Variants in SLC38A11 observed in about 807,000 individuals in gnomAD.
SLC38A11 encodes the protein solute carrier family 38 member 11, also known as putative sodium-coupled neutral amino acid transporter 11.
A neutral mutation model predicts 49.4 loss-of-function variants in SLC38A11; 51 were observed. That is an observed-to-expected ratio of 1.03 (90% CI 0.83 to 1.30). The LOEUF (loss-of-function observed/expected upper bound fraction) is 1.30, where lower values mean the gene tolerates loss of function less well. Ranked by LOEUF, SLC38A11 falls within the 50% of genes most tolerant of loss-of-function variation. SLC38A11 has a pLI of 0.00. For missense variants in SLC38A11, 574 were observed against 556.2 expected (o/e 1.03, Z -0.32); for synonymous variants, 203 against 192.9 (o/e 1.05, Z -0.43).
chr2:164,911,640 CTT>C lies in SLC38A11; in HGVS notation c.957_958del (p.Glu321GlyfsTer35), dbSNP rs1389784418. The C allele has an allele frequency of 6.4e-7, 1 of 1,573,714 alleles. No individual in the cohort carries two copies. On this transcript the variant is annotated frameshift_variant, in exon 10 of 12. Coordinates refer to ENST00000685975, the MANE Select transcript of SLC38A11 (RefSeq NM_001351537.2). LOFTEE classifies it high-confidence loss of function. ...TTGGGAAGGAACCGCGCTTACCTCTCTTGTCACAAAGCATTCCATAGGGTATG... is the reference window on the plus strand; with the variant it reads ...TTGGGAAGGAACCGCGCTTACCTCTCGTCACAAAGCATTCCATAGGGTATG...
chr2:164,907,822 G>T (rs2105451350), intron 11 of SLC38A11: 1 of 152,244 alleles, frequency 6.6e-6, no homozygotes, highest in Non-Finnish European at 1.5e-5. Context: ...AAGAATAATG[G>T]AAAGAATTGA....
Position 164,915,163 on chromosome 2 carries a change from A to G in SLC38A11, c.799T>C (p.Cys267Arg), listed in dbSNP as rs766498815. ...TATCCACATGTAGCAAAGAATATAC[A>G]GATAAATACAGAAATCACGATGGAC... ...HMSIVISVFI[C>R]IFFATCGYLT... The change falls in exon 9 of 12, where the codon TGT becomes CGT. Residue 267 changes from cysteine (C) to arginine (R), a missense_variant. By Grantham distance (180) the Cys-to-Arg change is radical. Coordinates refer to ENST00000685975, the MANE Select transcript of SLC38A11 (RefSeq NM_001351537.2). 1 of 1,612,200 alleles carries G rather than the reference A, an allele frequency of 6.2e-7. No individual in the cohort carries two copies. The highest frequency in any genetic ancestry group is 2.2e-5 in the East Asian group (1 of 44,840).
chr2:164,934,972 G>C (rs938146060), intron 7 of SLC38A11, among the ~76,000 whole-genome samples: 3 of 152,016 alleles, frequency 2.0e-5, no homozygotes, highest in African/African-American at 7.2e-5. Flanking sequence ...CCCTGAGTCT[G>C]TAATACATAC....
intron 6 of SLC38A11, among the ~76,000 whole-genome samples, chr2:164,938,082 T>C (rs2105498124): frequency 1.3e-5 from 2 of 152,240 alleles, no homozygotes; most frequent in South Asian, 4.1e-4. Context: ...TAGGTTTGTG[T>C]GCCTAGTCTT....
chr2:164,903,220 T>G (rs1372859717), intron 11 of SLC38A11, among the ~76,000 whole-genome samples: 1 of 152,050 alleles, frequency 6.6e-6, no homozygotes, highest in Non-Finnish European at 1.5e-5. Flanking sequence ...CTGTGTGTGT[T>G]GTAGTCTTCT....
Position 164,952,749 on chromosome 2 carries a change from G to A in SLC38A11, c.187C>T (p.Pro63Ser), listed in dbSNP as rs1391551513. 1 of 1,606,800 alleles carries A rather than the reference G, an allele frequency of 6.2e-7. No individual in the cohort carries two copies. The highest frequency in any genetic ancestry group is 1.7e-5 in the Admixed American group (1 of 57,928). The stretch of plus-strand genomic sequence containing the variant: ...CAGAATAAAAGCAATATTCCCAAAG[G>A]AAACCCAGCTTGCTTCATTGAATAA... The part of the protein sequence containing the change: ...LPYSMKQAGF[P>S]LGILLLFWVS... Residue 63 changes from proline (P) to serine (S), a missense_variant, in exon 3 of 12, where the codon CCT becomes TCT. Physicochemically the swap from Pro to Ser is moderately conservative, Grantham distance 74. Transcript: ENST00000685975.
Position 164,898,161 on chromosome 2 carries a change from G to T in SLC38A11, c.*276C>A. 4.2e-6 allele frequency: 1 copy of T among 240,472 alleles called. No homozygotes were observed. The highest frequency in any genetic ancestry group is 7.9e-6 in the Non-Finnish European group (1 of 126,348). The allele number at this position is 240,472 out of a possible 1,614,324, so 14.9% of individuals were successfully genotyped here. ...ACTGGTTTGCATATTAAATAAAAGG[G>T]GGATGGCAGAAAATGCTAAAGGCTT... is the stretch of plus-strand genomic sequence containing the variant. On this transcript the variant is annotated 3_prime_UTR_variant, in exon 12 of 12. Transcript: ENST00000685975.
At chr2:164,938,887 T>C (rs1445575216) in intron 6 of SLC38A11, among the ~76,000 whole-genome samples, 1 of 152,174 alleles carries the variant, frequency 6.6e-6, no homozygotes, top group African/African-American at 2.4e-5. Flanking sequence ...TGAGCATCTG[T>C]AGTGAACTGA....
At chr2:164,923,107 C>G (rs1238726397) in intron 7 of SLC38A11, among the ~76,000 whole-genome samples, 4 of 152,110 alleles carry the variant, frequency 2.6e-5, no homozygotes, top group Non-Finnish European at 5.9e-5. Context: ...TGTAAGACCT[C>G]AAACTATAAA....
At chr2:164,930,152 A>G (rs1394267111) in intron 7 of SLC38A11, among the ~76,000 whole-genome samples, 1 of 152,166 alleles carries the variant, frequency 6.6e-6, no homozygotes, top group Non-Finnish European at 1.5e-5. Flanking sequence ...GAAACTCTAG[A>G]AGAAATGGAT....
chr2:164,915,282 C>T lies in SLC38A11; in HGVS notation c.689-9G>A. On this transcript the variant is annotated splice_polypyrimidine_tract_variant and intron_variant, in intron 8 of 11. Coordinates refer to ENST00000685975, the MANE Select transcript of SLC38A11 (RefSeq NM_001351537.2). ...ATGGTGGCAAATAAATGCTGCAATA[C>T]AAAAAAAAAGAGCATTATTAAATCA... is the stretch of plus-strand genomic sequence containing the variant. 6.5e-7 allele frequency: 1 copy of T among 1,549,544 alleles called. No homozygotes were observed.
At position 164,908,787 on chromosome 2, in the gene SLC38A11, A is replaced by G. The variant is rs1215164544; in HGVS notation, c.964-16T>C. 18 of 1,599,760 alleles carry G rather than the reference A, an allele frequency of 1.1e-5. No individual in the cohort carries two copies. Among genetic ancestry groups the G allele is most frequent in the Non-Finnish European group, 1.4e-5 (17 of 1,172,518 alleles). Reference sequence around the variant, plus strand: ...TGGCAATTACCTGCCGAATAAACAGATTATTTTGAGAGGGACTTTTAAAGG... The same window carrying G: ...TGGCAATTACCTGCCGAATAAACAGGTTATTTTGAGAGGGACTTTTAAAGG... On this transcript the variant is annotated splice_polypyrimidine_tract_variant and intron_variant, in intron 10 of 11. Transcript: ENST00000685975.
At chr2:164,927,151 C>A (rs1686658288) in intron 7 of SLC38A11, among the ~76,000 whole-genome samples, 1 of 152,106 alleles carries the variant, frequency 6.6e-6, no homozygotes, top group South Asian at 2.1e-4. Context: ...CCATCCCTTC[C>A]TCCTCGTGAA....
At chr2:164,912,543 C>A (rs1271604649) in intron 9 of SLC38A11, 1 of 152,016 alleles carries the variant, frequency 6.6e-6, no homozygotes, top group Non-Finnish European at 1.5e-5. Flanking sequence ...GAAGAGTAAA[C>A]CAGTACATCT....
chr2:164,931,928 C>G (rs763531645), intron 7 of SLC38A11, among the ~76,000 whole-genome samples: 9 of 152,142 alleles, frequency 5.9e-5, no homozygotes, highest in Admixed American at 2.0e-4. Flanking sequence ...CAAATAGGAT[C>G]TACTCGACCT....
rs185265156 is a variant in SLC38A11, at chr2:164,936,207, G to A, written c.617+1143C>T. ...TTATTTCAATTCTTTAAAAATAGGC[G>A]TTTGCTTTTTCAAAGAAAAGGCTAT... On this transcript the variant is annotated intron_variant, in intron 7 of 11. Transcript: ENST00000685975. 3.0e-4 allele frequency among the ~76,000 whole-genome samples: 46 copies of A among 151,970 alleles called. 1 individual carries two copies. Among genetic ancestry groups the A allele is most frequent in the East Asian group, 1.9e-3 (10 of 5,176 alleles).
At chr2:164,929,494 C>A (rs1398393538) in intron 7 of SLC38A11, among the ~76,000 whole-genome samples, 1 of 152,086 alleles carries the variant, frequency 6.6e-6, no homozygotes, top group East Asian at 1.9e-4. Flanking sequence ...AGAGAAAATT[C>A]TTTCTCTTTC....
intron 7 of SLC38A11, among the ~76,000 whole-genome samples, chr2:164,917,868 G>A (rs910673841): frequency 2.0e-5 from 3 of 151,924 alleles, no homozygotes; most frequent in Admixed American, 1.3e-4. Flanking sequence ...TATTCCCGGA[G>A]TGTGAAACAA....
rs1489884277 is a variant in SLC38A11 at position 164,894,657 on chromosome 2, C to T, written c.*3780G>A. On this transcript the variant is annotated 3_prime_UTR_variant, in exon 12 of 12. Transcript: ENST00000685975. ...AGAACCAGGCCTGCAGCTTAACCAGCATAACTGTGTTGATTTGGGGTTGTA... is the reference window on the plus strand; with the variant it reads ...AGAACCAGGCCTGCAGCTTAACCAGTATAACTGTGTTGATTTGGGGTTGTA... 2.0e-5 allele frequency among the ~76,000 whole-genome samples: 3 copies of T among 152,158 alleles called. No individual in the cohort carries two copies. Among genetic ancestry groups the T allele is most frequent in the African/African-American group, 7.2e-5 (3 of 41,440 alleles).
Sources: allele counts gnomAD v4.1 joint callset (sites outside exome capture counted in the v4.1 genomes callset), GRCh38; gene constraint gnomAD v4.1.1; transcripts MANE v1.5; gene names NCBI Gene and HGNC (gene_info 2026-07-23, HGNC 2026-07-21).